GAS7: variants seen among roughly 807,000 people sequenced by gnomAD.
The protein encoded by GAS7 is growth arrest specific 7, also known as growth arrest-specific protein 7.
A neutral mutation model predicts 71.1 loss-of-function variants in GAS7; 28 were observed. That is an observed-to-expected ratio of 0.39 (90% confidence interval 0.29 to 0.54). The LOEUF (loss-of-function observed/expected upper bound fraction) is 0.54, where lower values mean the gene tolerates loss of function less well. GAS7 is among the 20% of genes least tolerant of loss of function. GAS7 has a pLI of 0.62. For synonymous variants in GAS7, 258 were observed against 245.8 expected (o/e 1.05, Z -0.46); for missense variants, 436 against 627.8 (o/e 0.69, Z 3.27).
At chr17:9,917,970 G>T (rs369088042) in intron 13 of GAS7, 31 bp downstream of exon 13, 2 of 1,522,844 alleles carry the variant, frequency 1.3e-6, no homozygotes, top group Middle Eastern at 2.0e-4. Flanking sequence ...GCCCCGTGTC[G>T]CCCGGGAGCC....
intron 1 of GAS7, among the ~76,000 whole-genome samples, chr17:10,093,136 A>C (rs1304345515): frequency 6.6e-6 from 1 of 152,190 alleles, no homozygotes; most frequent in Admixed American, 6.5e-5. Context: ...AGGGTTCGGG[A>C]GACTGTGCTC....
chr17:10,075,308 T>C (rs569243503), intron 1 of GAS7, among the ~76,000 whole-genome samples: 2 of 151,668 alleles, frequency 1.3e-5, no homozygotes, highest in East Asian at 3.9e-4. Flanking sequence ...TAAGCTGTGA[T>C]TGTGCCACTG....
chr17:10,079,622 A>G (rs2073435583), intron 1 of GAS7, among the ~76,000 whole-genome samples: 2 of 152,214 alleles, frequency 1.3e-5, no homozygotes, highest in Non-Finnish European at 2.9e-5. Context: ...CCCAGCTTCA[A>G]GCTGTCCCAC....
chr17:9,941,321 A>G (rs577795308), intron 7 of GAS7, among the ~76,000 whole-genome samples: 5 of 152,144 alleles, frequency 3.3e-5, no homozygotes, highest in Admixed American at 6.5e-5. Context: ...AGATATCTAG[A>G]AAGTAGATCT....
chr17:9,992,955 T>C (rs1343813817), intron 2 of GAS7, among the ~76,000 whole-genome samples: 2 of 152,062 alleles, frequency 1.3e-5, no homozygotes, highest in East Asian at 3.9e-4. Context: ...TATGGCTGCA[T>C]AGTATTCCAT....
chr17:10,035,831 C>T (rs1213250126), intron 1 of GAS7, among the ~76,000 whole-genome samples: 1 of 152,200 alleles, frequency 6.6e-6, no homozygotes, highest in African/African-American at 2.4e-5. Flanking sequence ...GGAAAGATGT[C>T]TCAGCCAAGC....
At chr17:10,138,941 AT>A (rs1331230043) in intron 1 of GAS7, among the ~76,000 whole-genome samples, 1 of 152,200 alleles carries the variant, frequency 6.6e-6, no homozygotes, top group African/African-American at 2.4e-5. Context: ...AATGAAAAAA[AT>A]ATATGATCAT....
intron 1 of GAS7, among the ~76,000 whole-genome samples, chr17:10,060,652 T>G (rs8081931): frequency 0.17 from 25,259 of 152,096 alleles, 2,264 homozygotes; most frequent in African/African-American, 0.23. Context: ...AATCAAGTGT[T>G]ATCTAGAAAG....
At chr17:9,918,392 C>G (rs1334999511) in intron 12 of GAS7, among the ~76,000 whole-genome samples, 1 of 152,232 alleles carries the variant, frequency 6.6e-6, no homozygotes, top group East Asian at 1.9e-4. Context: ...GTTATTATCC[C>G]CATTCTCCAA....
intron 1 of GAS7, among the ~76,000 whole-genome samples, chr17:10,033,064 T>G (rs937458121): frequency 6.6e-6 from 1 of 152,008 alleles, no homozygotes; most frequent in African/African-American, 2.4e-5. Context: ...AAGGAAGGAG[T>G]TGAGCTAGTA....
chr17:9,947,986 A>G (rs1265632517), intron 5 of GAS7, among the ~76,000 whole-genome samples: 1 of 152,210 alleles, frequency 6.6e-6, no homozygotes, highest in East Asian at 1.9e-4. Flanking sequence ...CTTAAAGAAT[A>G]GTAATTATAT....
At chr17:10,059,884 T>C (rs932185653) in intron 1 of GAS7, 2 of 823,654 alleles carry the variant, frequency 2.4e-6, no homozygotes, top group Non-Finnish European at 2.9e-6. Context: ...AAACAAATGA[T>C]ATTCAAAATG....
intron 1 of GAS7, among the ~76,000 whole-genome samples, chr17:10,187,658 C>A (rs2074465707): frequency 6.6e-6 from 1 of 152,144 alleles, no homozygotes; most frequent in African/African-American, 2.4e-5. Context: ...CAGACAGTCA[C>A]ATGAACAGAC....
chr17:9,998,170 G>C (rs897668119), intron 2 of GAS7, among the ~76,000 whole-genome samples: 2 of 152,216 alleles, frequency 1.3e-5, no homozygotes, highest in African/African-American at 4.8e-5. Flanking sequence ...GGGGATCCCA[G>C]ACACCCATCA....
intron 1 of GAS7, among the ~76,000 whole-genome samples, chr17:10,174,464 G>T (rs993016941): frequency 6.6e-6 from 1 of 152,088 alleles, no homozygotes; most frequent in African/African-American, 2.4e-5. Flanking sequence ...AGGCCGAGAC[G>T]GGCGGATCAC....
intron 1 of GAS7, among the ~76,000 whole-genome samples, chr17:10,074,121 G>A (rs899968489): frequency 6.6e-6 from 1 of 152,174 alleles, no homozygotes; most frequent in Non-Finnish European, 1.5e-5. Context: ...ACGATAACAG[G>A]AGAAAGCAGG....
intron 1 of GAS7, among the ~76,000 whole-genome samples, chr17:10,046,839 A>C (rs1365916840): frequency 7.4e-6 from 1 of 134,538 alleles, no homozygotes; most frequent in Non-Finnish European, 1.5e-5. Flanking sequence ...GAAGGAAGGA[A>C]GGAAGGAAAG....
At chr17:9,975,584 T>G (rs1467096999) in intron 3 of GAS7, among the ~76,000 whole-genome samples, 1 of 150,966 alleles carries the variant, frequency 6.6e-6, no homozygotes, top group Non-Finnish European at 1.5e-5. Flanking sequence ...CTATCACATA[T>G]TAAACATAGT....
chr17:10,174,072 C>T (rs568887332), intron 1 of GAS7, among the ~76,000 whole-genome samples: 1 of 152,304 alleles, frequency 6.6e-6, no homozygotes, highest in South Asian at 2.1e-4. Flanking sequence ...AAGTGCCCAA[C>T]CCTGGGCCAG....
Sources: gnomAD v4.1 joint callset for allele counts (sites outside exome capture counted in the v4.1 genomes callset) on GRCh38, gnomAD v4.1.1 for gene constraint, MANE v1.5 for transcripts, NCBI Gene and HGNC (gene_info 2026-07-23, HGNC 2026-07-21) for gene names.